Variants in NWD2 observed in about 807,000 individuals in gnomAD.
NWD2 encodes NACHT and WD repeat domain-containing protein 2.
NWD2 carries 37 observed loss-of-function variants against 132.7 expected under a neutral mutation model. The observed-to-expected ratio is 0.28, with a 90% CI of 0.21 to 0.37. NWD2 has a LOEUF of 0.37. Ranked by LOEUF, NWD2 falls within the 10% of genes least tolerant of loss-of-function variation. The pLI is 1.00. For synonymous variants in NWD2, 705 were observed against 803.0 expected, an observed-to-expected ratio of 0.88 and a Z score of 2.06; for missense variants, 1,592 against 2,122.4, an observed-to-expected ratio of 0.75 and a Z score of 4.91.
intron 2 of NWD2, among the ~76,000 whole-genome samples, chr4:37,327,653 T>C (rs1719200824): frequency 6.6e-6 from 1 of 152,168 alleles, no homozygotes; most frequent in Non-Finnish European, 1.5e-5. Context: ...GCTTCCAAGC[T>C]CTAGGCTTAG....
intron 3 of NWD2, among the ~76,000 whole-genome samples, chr4:37,394,799 G>GTTTTTTTT (rs1175840735): frequency 0.051 from 2,670 of 52,412 alleles, 691 homozygotes; most frequent in Non-Finnish European, 0.057. Context: ...AACCTTTATG[G>GTTTTTTTT]TTTTTTTTTT....
intron 1 of NWD2, among the ~76,000 whole-genome samples, chr4:37,301,628 T>A (rs1180494460): frequency 1.3e-5 from 2 of 152,082 alleles, no homozygotes; most frequent in African/African-American, 4.8e-5. Flanking sequence ...GTTTTTTTAT[T>A]TCTAGAGGTT....
At chr4:37,247,087 G>T (rs1408383950) in intron 1 of NWD2, among the ~76,000 whole-genome samples, 3 of 152,200 alleles carry the variant, frequency 2.0e-5, no homozygotes, top group Non-Finnish European at 4.4e-5. Context: ...GTTTGAGCTG[G>T]ACAGCTTCCA....
At chr4:37,372,228 A>G (rs982885664) in intron 3 of NWD2, among the ~76,000 whole-genome samples, 9 of 152,242 alleles carry the variant, frequency 5.9e-5, no homozygotes, top group Non-Finnish European at 7.3e-5. Context: ...TTAAGGATCT[A>G]TATAAATATA....
intron 1 of NWD2, among the ~76,000 whole-genome samples, chr4:37,248,954 C>T (rs1425909906): frequency 3.3e-5 from 5 of 152,030 alleles, no homozygotes; most frequent in South Asian, 4.1e-4. Flanking sequence ...CAACCCATGT[C>T]GGATATGAAT....
chr4:37,300,434 T>C (rs964068139), intron 1 of NWD2, among the ~76,000 whole-genome samples: 12 of 152,172 alleles, frequency 7.9e-5, no homozygotes, highest in Non-Finnish European at 5.9e-5. Context: ...AGGCCTCATA[T>C]AGATCATACG....
intron 2 of NWD2, among the ~76,000 whole-genome samples, chr4:37,345,074 G>A (rs538005963): frequency 1.3e-5 from 2 of 152,114 alleles, no homozygotes; most frequent in African/African-American, 2.4e-5. Context: ...TTCCTCAATA[G>A]TATGCCATTG....
intron 1 of NWD2, among the ~76,000 whole-genome samples, chr4:37,249,600 A>G (rs1260061361): frequency 1.3e-5 from 2 of 152,210 alleles, no homozygotes; most frequent in Non-Finnish European, 1.5e-5. Context: ...TGCAGCCATA[A>G]GATTAAGATA....
At chr4:37,394,281 C>T (rs1337184236) in intron 3 of NWD2, among the ~76,000 whole-genome samples, 6 of 152,144 alleles carry the variant, frequency 3.9e-5, no homozygotes, top group African/African-American at 7.2e-5. Flanking sequence ...GTTGTTTTCA[C>T]GTGATTAGTC....
chr4:37,437,031 G>GA (rs1318671136), intron 5 of NWD2, among the ~76,000 whole-genome samples: 1 of 151,856 alleles, frequency 6.6e-6, no homozygotes, highest in African/African-American at 2.4e-5. Context: ...TCTCATTACT[G>GA]AAAAAATATT....
intron 1 of NWD2, among the ~76,000 whole-genome samples, chr4:37,317,673 T>C (rs1180879638): frequency 6.6e-6 from 1 of 152,232 alleles, no homozygotes; most frequent in Admixed American, 6.5e-5. Context: ...CTTTGATCTT[T>C]GGCTGTTTGA....
intron 3 of NWD2, among the ~76,000 whole-genome samples, chr4:37,378,154 A>G (rs1199341063): frequency 6.6e-6 from 1 of 152,176 alleles, no homozygotes; most frequent in East Asian, 1.9e-4. Flanking sequence ...TCATCCACCT[A>G]TATCCCACCC....
intron 5 of NWD2, among the ~76,000 whole-genome samples, chr4:37,436,000 T>C (rs1163355443): frequency 6.6e-6 from 1 of 152,206 alleles, no homozygotes; most frequent in Non-Finnish European, 1.5e-5. Context: ...ATTGTTTATG[T>C]TTGAATGTAA....
At chr4:37,398,438 T>G (rs1720842881) in intron 3 of NWD2, among the ~76,000 whole-genome samples, 1 of 152,076 alleles carries the variant, frequency 6.6e-6, no homozygotes, top group African/African-American at 2.4e-5. Flanking sequence ...CGTCACACAC[T>G]GGGGCCTGTC....
intron 1 of NWD2, among the ~76,000 whole-genome samples, chr4:37,314,042 T>G (rs1214082222): frequency 6.6e-6 from 1 of 152,140 alleles, no homozygotes; most frequent in African/African-American, 2.4e-5. Context: ...TGTCAAATGC[T>G]TTTTCTGCGT....
chr4:37,404,745 T>G (rs1157926512), intron 3 of NWD2, among the ~76,000 whole-genome samples: 1 of 152,194 alleles, frequency 6.6e-6, no homozygotes, highest in Non-Finnish European at 1.5e-5. Context: ...GCTCAGCTTC[T>G]GGAGAGGCCT....
intron 6 of NWD2, among the ~76,000 whole-genome samples, chr4:37,442,237 C>G (rs758858755): frequency 3.3e-5 from 5 of 152,218 alleles, no homozygotes; most frequent in Non-Finnish European, 7.3e-5. Flanking sequence ...TCTTCCTTAT[C>G]TCAGGCATAT....
At chr4:37,252,172 G>A (rs926731931) in intron 1 of NWD2, among the ~76,000 whole-genome samples, 1 of 152,176 alleles carries the variant, frequency 6.6e-6, no homozygotes, top group Admixed American at 6.5e-5. Flanking sequence ...TCTCCACAGG[G>A]AATAGAAAGA....
chr4:37,254,528 G>A (rs1366463275), intron 1 of NWD2, among the ~76,000 whole-genome samples: 1 of 152,086 alleles, frequency 6.6e-6, no homozygotes, highest in East Asian at 1.9e-4. Flanking sequence ...TGTAGCAGTG[G>A]CTTAAAAGCA....
Sources: gnomAD v4.1 joint callset for allele counts (sites outside exome capture counted in the v4.1 genomes callset) on GRCh38, gnomAD v4.1.1 for gene constraint, MANE v1.5 for transcripts, NCBI Gene and HGNC (gene_info 2026-07-23, HGNC 2026-07-21) for gene names.